CDK19: variants seen among roughly 807,000 people sequenced by gnomAD.
CDK19 encodes cyclin-dependent kinase 19.
Under a neutral mutation model 68.3 loss-of-function variants are expected in CDK19, and 20 were observed. That is an observed-to-expected ratio of 0.29 (90% confidence interval 0.21 to 0.43). The LOEUF (loss-of-function observed/expected upper bound fraction) is 0.43, where lower values mean the gene tolerates loss of function less well. CDK19 is among the 20% of genes least tolerant of loss of function. CDK19 has a pLI of 1.00. For synonymous variants in CDK19, 221 were observed against 222.8 expected (o/e 0.99, Z 0.07); for missense variants, 339 against 623.5 (o/e 0.54, Z 4.86).
rs1313423244 is a variant in CDK19 at position 110,755,300 on chromosome 6, A to G, written c.129-9099T>C. Among the ~76,000 whole-genome samples the G allele has an allele frequency of 2.6e-5, 4 of 152,130 alleles. No individual in the cohort carries two copies. In the East Asian group the frequency reaches 7.7e-4, roughly 29 times the overall value. ...AGGTGACCCGCTTGCCTCACCTCCC[A>G]AAGTGCTGGGATTATAGGCGTGAGC... On this transcript the variant is annotated intron_variant, in intron 1 of 12. Coordinates refer to ENST00000368911, the MANE Select transcript of CDK19 (RefSeq NM_015076.5).
intron 2 of CDK19, among the ~76,000 whole-genome samples, chr6:110,713,639 G>A (rs1274660944): frequency 6.6e-5 from 10 of 151,918 alleles, no homozygotes; most frequent in African/African-American, 2.2e-4. Flanking sequence ...CAAACATAAC[G>A]TTTTGTAATT....
At chr6:110,688,676 G>A (rs1464919068) in intron 2 of CDK19, among the ~76,000 whole-genome samples, 1 of 152,154 alleles carries the variant, frequency 6.6e-6, no homozygotes, top group Admixed American at 6.5e-5. Flanking sequence ...ACCCAGCACA[G>A]GAGCTGATTT....
intron 2 of CDK19, among the ~76,000 whole-genome samples, chr6:110,694,346 C>A (rs1469917764): frequency 1.3e-5 from 2 of 152,018 alleles, no homozygotes; most frequent in Admixed American, 1.3e-4. Context: ...AAACTAGAAG[C>A]CAGCAGGAAT....
intron 4 of CDK19, among the ~76,000 whole-genome samples, chr6:110,666,582 C>G (rs989786840): frequency 4.6e-5 from 7 of 151,948 alleles, no homozygotes; most frequent in Admixed American, 3.9e-4. Flanking sequence ...CTGACAAGGT[C>G]CCAACGGATA....
chr6:110,685,116 C>T (rs888725082), intron 2 of CDK19, among the ~76,000 whole-genome samples: 35 of 151,960 alleles, frequency 2.3e-4, no homozygotes, highest in Admixed American at 1.7e-3. Context: ...CCAGCCTGGG[C>T]GACACAGCGA....
chr6:110,658,130 C>CT (rs1781416678), intron 4 of CDK19, among the ~76,000 whole-genome samples: 1 of 152,192 alleles, frequency 6.6e-6, no homozygotes, highest in Non-Finnish European at 1.5e-5. Context: ...TTCACAAGGC[C>CT]TGTGTAGAGG....
chr6:110,782,224 A>G (rs1183497142), intron 1 of CDK19, among the ~76,000 whole-genome samples: 1 of 152,222 alleles, frequency 6.6e-6, no homozygotes, highest in Admixed American at 6.5e-5. Flanking sequence ...TTATGCTGCT[A>G]GCAACAACTG....
At chr6:110,667,785 TA>T (rs1782036155) in intron 3 of CDK19, among the ~76,000 whole-genome samples, 1 of 152,148 alleles carries the variant, frequency 6.6e-6, no homozygotes, top group African/African-American at 2.4e-5. Flanking sequence ...TTATAATGAC[TA>T]AATTTACTGA....
intron 1 of CDK19, among the ~76,000 whole-genome samples, chr6:110,777,750 C>T (rs998268667): frequency 2.0e-5 from 3 of 152,176 alleles, no homozygotes; most frequent in Non-Finnish European, 4.4e-5. Flanking sequence ...TCCAAGCTTC[C>T]CTTAACGGAT....
intron 2 of CDK19, among the ~76,000 whole-genome samples, chr6:110,701,316 G>A (rs191711618): frequency 5.9e-4 from 90 of 151,630 alleles, no homozygotes; most frequent in African/African-American, 2.1e-3. Context: ...GCCAAAGTGG[G>A]CAGATCACGA....
intron 4 of CDK19, among the ~76,000 whole-genome samples, chr6:110,647,122 G>T (rs535607124): frequency 3.0e-4 from 46 of 152,216 alleles, no homozygotes; most frequent in African/African-American, 1.1e-3. Flanking sequence ...CACCCCCAAA[G>T]GAAAAGCCAG....
At chr6:110,635,580 C>T (rs895311174) in intron 5 of CDK19, among the ~76,000 whole-genome samples, 2 of 152,192 alleles carry the variant, frequency 1.3e-5, no homozygotes, top group Non-Finnish European at 2.9e-5. Flanking sequence ...TGCTCTGTCG[C>T]CCAGGCTGGA....
chr6:110,637,220 T>C (rs938691271), intron 5 of CDK19, among the ~76,000 whole-genome samples: 2 of 152,248 alleles, frequency 1.3e-5, no homozygotes, highest in African/African-American at 4.8e-5. Flanking sequence ...GAAGGGACCA[T>C]CCTTTATCTC....
chr6:110,673,122 T>C (rs1289986322), intron 2 of CDK19, among the ~76,000 whole-genome samples: 3 of 152,186 alleles, frequency 2.0e-5, no homozygotes, highest in Admixed American at 6.5e-5. Context: ...CAGCTCCTGA[T>C]AACCATTATC....
chr6:110,784,158 CAAA>C (rs1170140844), intron 1 of CDK19, among the ~76,000 whole-genome samples: 7 of 61,478 alleles, frequency 1.1e-4, no homozygotes, highest in Non-Finnish European at 1.3e-4. Context: ...GACTTCGTCT[CAAA>C]AAAAAAAAAA....
At chr6:110,663,583 G>A (rs1200814902) in intron 4 of CDK19, among the ~76,000 whole-genome samples, 1 of 152,186 alleles carries the variant, frequency 6.6e-6, no homozygotes, top group African/African-American at 2.4e-5. Context: ...CTGGAGTGGA[G>A]CGCAGTGGCA....
chr6:110,771,344 C>A (rs1287288075), intron 1 of CDK19, among the ~76,000 whole-genome samples: 1 of 152,208 alleles, frequency 6.6e-6, no homozygotes, highest in African/African-American at 2.4e-5. Flanking sequence ...GGCTCAACAC[C>A]ACATGGAACC....
chr6:110,708,812 G>A (rs991685807), intron 2 of CDK19, among the ~76,000 whole-genome samples: 1 of 152,186 alleles, frequency 6.6e-6, no homozygotes, highest in East Asian at 1.9e-4. Flanking sequence ...AGAAGTAAAA[G>A]CTTTTAAAGC....
chr6:110,632,247 A>G, intron 5 of CDK19, 86 bp from the exon 6 acceptor site: 1 of 1,030,188 alleles, frequency 9.7e-7, no homozygotes, highest in South Asian at 1.5e-5. Context: ...ATTCAGTTTG[A>G]CATGCTATTA....
Sources: allele counts gnomAD v4.1 joint callset (sites outside exome capture counted in the v4.1 genomes callset), GRCh38; gene constraint gnomAD v4.1.1; transcripts MANE v1.5; gene names NCBI Gene and HGNC (gene_info 2026-07-23, HGNC 2026-07-21).